Variants in RPS6KA3 observed in about 807,000 individuals in gnomAD.
RPS6KA3 encodes ribosomal protein S6 kinase alpha-3.
A neutral mutation model predicts 67.2 loss-of-function variants in RPS6KA3; 4 were observed. The observed-to-expected ratio is 0.06, with a 90% CI of 0.03 to 0.14. The LOEUF is 0.14. RPS6KA3 is among the 10% of genes least tolerant of loss of function. The pLI, the probability that RPS6KA3 is intolerant of heterozygous loss-of-function variation, is 1.00. For missense variants in RPS6KA3, 204 were observed against 559.0 expected (o/e 0.36, Z 6.40); for synonymous variants, 182 against 183.7 (o/e 0.99, Z 0.07).
At position 20,266,774 on chromosome X, in the gene RPS6KA3, A is replaced by G. The variant is rs1413864653; in HGVS notation, c.-142T>C. On this transcript the variant is annotated 5_prime_UTR_variant, in exon 1 of 22. Coordinates refer to ENST00000379565, the MANE Select transcript of RPS6KA3 (RefSeq NM_004586.3). ...CAGCGGCAGCGGCAGCGGCAGCAGC[A>G]GCAGCAGCGGCGGCGGCCCCAGAGA... The G allele has an allele frequency of 8.6e-6, 3 of 348,407 alleles. No individual in the cohort carries two copies. The highest frequency in any genetic ancestry group is 1.4e-4 in the South Asian group (1 of 7,310). The allele number at this position is 348,407 out of a possible 1,213,427, so 28.7% of individuals were successfully genotyped here. A position where few individuals can be genotyped will look rare whatever the true frequency, so the allele number is the denominator to read the frequency against.
chrX:20,240,076 C>T (rs1381387539), intron 1 of RPS6KA3, among the ~76,000 whole-genome samples: 1 of 109,536 alleles, frequency 9.1e-6, no homozygotes, highest in Admixed American at 9.9e-5. Context: ...TGATCTGTGA[C>T]TGATAAAATG....
chrX:20,161,108 C>G (rs1285496759), intron 20 of RPS6KA3, among the ~76,000 whole-genome samples: 1 of 111,832 alleles, frequency 8.9e-6, no homozygotes, highest in Admixed American at 9.5e-5. Context: ...AACTATACAT[C>G]TGTTTATCGT....
At chrX:20,205,792 A>G (rs1235625993) in intron 3 of RPS6KA3, among the ~76,000 whole-genome samples, 1 of 112,569 alleles carries the variant, frequency 8.9e-6, no homozygotes, top group Non-Finnish European at 1.9e-5. Context: ...AGATTCCCTA[A>G]CCATTCTGCA....
chrX:20,152,298 A>G lies in RPS6KA3; in HGVS notation c.*3100T>C, dbSNP rs2067115429. 1 of 112,563 alleles carries G rather than the reference A, an allele frequency of 8.9e-6. No homozygotes were observed. Among genetic ancestry groups the G allele is most frequent in the African/African-American group, 3.2e-5 (1 of 30,875 alleles). The allele number at this position is 112,563 out of a possible 1,213,427, so 9.3% of individuals were successfully genotyped here. On this transcript the variant is annotated 3_prime_UTR_variant, in exon 22 of 22. Transcript: ENST00000379565. ...CTATAAACCAGAAAAAGCTGAAATG[A>G]TTTATAAAAAACAAAAATTAAAAAA...
intron 21 of RPS6KA3, 24 bp from the exon 22 acceptor site, chrX:20,155,544 T>C: frequency 8.3e-7 from 1 of 1,207,016 alleles, no homozygotes; most frequent in Non-Finnish European, 1.1e-6. Flanking sequence ...ATAAAGGTAG[T>C]AACAAAAGTG....
rs2070375836 is a variant in RPS6KA3, at chrX:20,266,130, CGA to C, written c.69+432_69+433del. 3.4e-5 allele frequency: 4 copies of C among 116,437 alleles called. No individual in the cohort carries two copies. The South Asian group carries it at 1.0e-3, about 30-fold the overall frequency. The allele number at this position is 116,437 out of a possible 1,213,427, so 9.6% of individuals were successfully genotyped here. A position where few individuals can be genotyped will look rare whatever the true frequency, so the allele number is the denominator to read the frequency against. On this transcript the variant is annotated intron_variant, in intron 1 of 21. Transcript: ENST00000379565. ...CAGCAGCCCCTCCCTCGGCTGGACT[CGA>C]GAGTCCCTGCTCCCCGGTGAACCCG... is the stretch of plus-strand genomic sequence containing the variant.
At chrX:20,210,036 A>G (rs372315690) in intron 2 of RPS6KA3, among the ~76,000 whole-genome samples, 4 of 112,271 alleles carry the variant, frequency 3.6e-5, no homozygotes, top group East Asian at 5.5e-4. Flanking sequence ...AAAAGATTTA[A>G]CATTTGGATG....
chrX:20,258,990 G>A (rs1464374605), intron 1 of RPS6KA3, among the ~76,000 whole-genome samples: 3 of 111,454 alleles, frequency 2.7e-5, no homozygotes, highest in African/African-American at 9.8e-5. Context: ...TAAATATGCA[G>A]GGCAGGTAAT....
intron 4 of RPS6KA3, chrX:20,203,756 CCA>C: frequency 3.6e-6 from 1 of 275,321 alleles, no homozygotes; most frequent in South Asian, 1.3e-4. Flanking sequence ...TGAATCAAAC[CCA>C]GTTTTAATCT....
At chrX:20,229,540 G>A (rs900931601) in intron 2 of RPS6KA3, among the ~76,000 whole-genome samples, 2 of 111,862 alleles carry the variant, frequency 1.8e-5, no homozygotes, top group African/African-American at 6.5e-5. Context: ...CACAGAAACT[G>A]GGAGATAATA....
intron 1 of RPS6KA3, among the ~76,000 whole-genome samples, chrX:20,245,306 C>G (rs545145580): frequency 1.1e-4 from 12 of 111,855 alleles, no homozygotes; most frequent in African/African-American, 2.9e-4. Context: ...AAGGAAGTTA[C>G]TGATTCTATG....
intron 2 of RPS6KA3, among the ~76,000 whole-genome samples, chrX:20,223,764 T>G (rs191893467): frequency 1.8e-5 from 2 of 112,030 alleles, no homozygotes; most frequent in Admixed American, 9.5e-5. Context: ...CTGTAAATAT[T>G]TGGGTTGTTA....
intron 2 of RPS6KA3, among the ~76,000 whole-genome samples, chrX:20,230,794 T>C (rs1432854183): frequency 1.8e-5 from 2 of 111,150 alleles, no homozygotes; most frequent in African/African-American, 3.3e-5. Flanking sequence ...ACTCCTAAGA[T>C]GCTAAAAAAC....
At chrX:20,198,911 G>A (rs1039372988) in intron 4 of RPS6KA3, among the ~76,000 whole-genome samples, 8 of 110,531 alleles carry the variant, frequency 7.2e-5, no homozygotes, top group Non-Finnish European at 1.1e-4. Flanking sequence ...TTGCCCCGTC[G>A]CCCAGGCTGG....
intron 7 of RPS6KA3, among the ~76,000 whole-genome samples, chrX:20,193,279 T>A (rs759169356): frequency 1.9e-5 from 2 of 105,409 alleles, no homozygotes; most frequent in East Asian, 5.8e-4. Context: ...ACTCCATCTT[T>A]AAAAAAAAAA....
rs113239015 is a variant in RPS6KA3 at position 20,255,767 on chromosome X, G to A, written c.69+10797C>T. ...TGCACCACTGCATACTCCAGCCTGG[G>A]CAATAGAGCAAAATTTCGTCTCAAA... On this transcript the variant is annotated intron_variant, in intron 1 of 21. Transcript: ENST00000379565. Among the ~76,000 whole-genome samples the A allele has an allele frequency of 6.2e-4, 47 of 75,527 alleles. 1 individual carries two copies. Among genetic ancestry groups the A allele is most frequent in the African/African-American group, 2.6e-3 (46 of 17,773 alleles). The allele number at this position is 75,527 out of a possible 115,157, so 65.6% of individuals were successfully genotyped here.
chrX:20,213,647 T>C (rs1282145049), intron 2 of RPS6KA3, among the ~76,000 whole-genome samples: 1 of 110,413 alleles, frequency 9.1e-6, no homozygotes, highest in Non-Finnish European at 1.9e-5. Context: ...ACATGGCACA[T>C]GTATACATAT....
At chrX:20,255,445 C>T (rs1157344099) in intron 1 of RPS6KA3, among the ~76,000 whole-genome samples, 4 of 111,246 alleles carry the variant, frequency 3.6e-5, no homozygotes, top group Non-Finnish European at 7.5e-5. Flanking sequence ...GTAAAAGCCA[C>T]GAATCATATA....
At chrX:20,199,965 T>C in intron 4 of RPS6KA3, among the ~76,000 whole-genome samples, 1 of 112,124 alleles carries the variant, frequency 8.9e-6, no homozygotes, top group Admixed American at 9.5e-5. Context: ...TTTCCAGACA[T>C]GGAGGGTCAC....
Sources: gnomAD v4.1 joint callset for allele counts (sites outside exome capture counted in the v4.1 genomes callset) on GRCh38, gnomAD v4.1.1 for gene constraint, MANE v1.5 for transcripts, NCBI Gene and HGNC (gene_info 2026-07-23, HGNC 2026-07-21) for gene names.